The following SEM1 variants were observed in gnomAD, a reference collection of about 807,000 sequenced individuals.
SEM1 encodes the protein 26S proteasome complex subunit SEM1.
Under a neutral mutation model 12.7 loss-of-function variants are expected in SEM1, and 3 were observed. The ratio of observed to expected loss-of-function variants is 0.24; its 90% CI spans 0.11 to 0.61. SEM1 has a LOEUF of 0.61. Among genes scored for constraint, SEM1 ranks in the 20% least tolerant of loss-of-function variants. The probability of loss-of-function intolerance (pLI) is 0.88; values close to 1 mark genes in which losing one functional copy is unlikely to be tolerated. For missense variants in SEM1, 59 were observed against 81.3 expected, an observed-to-expected ratio of 0.73 and a Z score of 1.06; for synonymous variants, 30 against 27.8, an observed-to-expected ratio of 1.08 and a Z score of -0.25.
At chr7:96,584,788 A>G (rs367962691) in intron 2 of SEM1, among the ~76,000 whole-genome samples, 1,993 of 151,950 alleles carry the variant, frequency 0.013, 38 homozygotes, top group African/African-American at 0.046. Flanking sequence ...CATTCTTCAC[A>G]TAGTTCTCGA....
intron 1 of SEM1, among the ~76,000 whole-genome samples, chr7:96,700,546 A>C (rs1790238777): frequency 1.3e-5 from 2 of 152,158 alleles, no homozygotes; most frequent in African/African-American, 4.8e-5. Flanking sequence ...AGTTGAAAAA[A>C]ATCTGTGTAT....
In SEM1 at chr7:96,491,321, T is replaced by C. The variant is rs541829204; in HGVS notation, c.13-4904A>G. On this transcript the variant is annotated intron_variant, in intron 1 of 3. Transcript: ENST00000356686. Reference sequence around the variant, plus strand: ...CTTTCTAACCACACGCTAATAGTTATGATAATTTCCAGTTTTCTTTCTTAA... The same window carrying C: ...CTTTCTAACCACACGCTAATAGTTACGATAATTTCCAGTTTTCTTTCTTAA... Among the ~76,000 whole-genome samples the C allele has an allele frequency of 2.6e-5, 4 of 152,360 alleles. No individual in the cohort carries two copies. In the South Asian group the frequency reaches 6.2e-4, roughly 24 times the overall value.
chr7:96,541,596 A>C (rs911197465), intron 2 of SEM1, among the ~76,000 whole-genome samples: 1 of 151,238 alleles, frequency 6.6e-6, no homozygotes, highest in African/African-American at 2.4e-5. Context: ...GAAGCTCTTT[A>C]GTTTAATTAG....
At chr7:96,651,491 A>G (rs937584999) in intron 2 of SEM1, among the ~76,000 whole-genome samples, 1 of 152,216 alleles carries the variant, frequency 6.6e-6, no homozygotes, top group Non-Finnish European at 1.5e-5. Context: ...ATTCATAGGT[A>G]AAAGGCATGT....
chr7:96,624,420 G>GTA (rs1341414177), intron 2 of SEM1, among the ~76,000 whole-genome samples: 1 of 152,140 alleles, frequency 6.6e-6, no homozygotes, highest in African/African-American at 2.4e-5. Flanking sequence ...GGTCAAGTGG[G>GTA]TCGGAGCATG....
At chr7:96,490,814 C>G (rs1392154128) in intron 1 of SEM1, among the ~76,000 whole-genome samples, 1 of 151,804 alleles carries the variant, frequency 6.6e-6, no homozygotes, top group African/African-American at 2.4e-5. Context: ...TCAAAATTGT[C>G]CAGATGGCTT....
intron 2 of SEM1, among the ~76,000 whole-genome samples, chr7:96,693,939 G>A (rs1320787234): frequency 1.3e-5 from 2 of 151,656 alleles, no homozygotes; most frequent in Non-Finnish European, 2.9e-5. Flanking sequence ...TATAAAACGT[G>A]GCATATCCAT....
At chr7:96,517,085 T>C (rs1397691172) in intron 2 of SEM1, among the ~76,000 whole-genome samples, 1 of 152,014 alleles carries the variant, frequency 6.6e-6, no homozygotes, top group Non-Finnish European at 1.5e-5. Flanking sequence ...AAGAGACAAA[T>C]AGGTGGAGCA....
At chr7:96,702,276 A>C (rs1038491563) in intron 1 of SEM1, among the ~76,000 whole-genome samples, 1 of 152,166 alleles carries the variant, frequency 6.6e-6, no homozygotes, top group Non-Finnish European at 1.5e-5. Flanking sequence ...ACTCCTGTAC[A>C]TCCCTAGTTC....
intron 2 of SEM1, among the ~76,000 whole-genome samples, chr7:96,679,961 C>T (rs773047577): frequency 9.9e-5 from 15 of 152,100 alleles, no homozygotes; most frequent in Non-Finnish European, 1.9e-4. Flanking sequence ...CAGCTGCCAG[C>T]GACTGTAATT....
chr7:96,655,442 C>CTTTTTTTTTTTTTTTTTTT (rs72335497), intron 2 of SEM1, among the ~76,000 whole-genome samples: 2 of 137,698 alleles, frequency 1.5e-5, no homozygotes, highest in Non-Finnish European at 1.6e-5. Flanking sequence ...ATGCAAATAC[C>CTTTTTTTTTTTTTTTTTTT]TTTTTTTTTT....
downstream of SEM1, among the ~76,000 whole-genome samples, chr7:96,687,647 G>A (rs924670715): frequency 1.3e-5 from 2 of 151,932 alleles, no homozygotes; most frequent in African/African-American, 2.4e-5. Flanking sequence ...GTGGGGAGAG[G>A]GGGGAGGGAT....
At chr7:96,672,366 A>G (rs1203211928), downstream of SEM1, among the ~76,000 whole-genome samples, 1 of 152,174 alleles carries the variant, frequency 6.6e-6, no homozygotes. Context: ...CCTAAGTATT[A>G]GCTTTGAGGG....
At chr7:96,508,686 A>G (rs889742392) in intron 2 of SEM1, among the ~76,000 whole-genome samples, 5 of 152,122 alleles carry the variant, frequency 3.3e-5, no homozygotes, top group Non-Finnish European at 7.4e-5. Context: ...CATTAATACC[A>G]TGTTCACTTT....
intron 2 of SEM1, among the ~76,000 whole-genome samples, chr7:96,571,104 G>A (rs1806013562): frequency 6.6e-6 from 1 of 151,792 alleles, no homozygotes; most frequent in African/African-American, 2.4e-5. Flanking sequence ...TTGGATATTA[G>A]CCCTTTGTCA....
intron 2 of SEM1, among the ~76,000 whole-genome samples, chr7:96,583,765 G>T (rs1806502845): frequency 6.6e-6 from 1 of 150,604 alleles, no homozygotes; most frequent in Non-Finnish European, 1.5e-5. Flanking sequence ...TTGGTTTAAA[G>T]TCTGTTTTAT....
At chr7:96,705,692 C>A (rs1790434942) in intron 1 of SEM1, among the ~76,000 whole-genome samples, 1 of 151,766 alleles carries the variant, frequency 6.6e-6, no homozygotes, top group African/African-American at 2.4e-5. Flanking sequence ...TGGTGACGGG[C>A]ACCTGTAATC....
intron 2 of SEM1, among the ~76,000 whole-genome samples, chr7:96,508,837 A>G (rs954749619): frequency 5.3e-5 from 8 of 152,182 alleles, no homozygotes; most frequent in Non-Finnish European, 5.9e-5. Context: ...AGGAAGCCAC[A>G]TGGAAAATCT....
At chr7:96,493,913 TA>T (rs1457221003) in intron 1 of SEM1, among the ~76,000 whole-genome samples, 1 of 152,218 alleles carries the variant, frequency 6.6e-6, no homozygotes, top group African/African-American at 2.4e-5. Context: ...CTACATTTTT[TA>T]GTTTTGCTCC....
Sources: gnomAD v4.1 joint callset for allele counts (sites outside exome capture counted in the v4.1 genomes callset) on GRCh38, gnomAD v4.1.1 for gene constraint, MANE v1.5 for transcripts, NCBI Gene and HGNC (gene_info 2026-07-23, HGNC 2026-07-21) for gene names.